The following CTNNA2 variants were observed in gnomAD, a reference collection of about 807,000 sequenced individuals.
CTNNA2 encodes the protein catenin alpha 2, also known as catenin alpha-2.
A neutral mutation model predicts 101.0 loss-of-function variants in CTNNA2; 42 were observed. The ratio of observed to expected loss-of-function variants is 0.42; its 90% CI spans 0.32 to 0.54. The LOEUF (loss-of-function observed/expected upper bound fraction) is 0.54. Ranked by LOEUF, CTNNA2 falls within the 20% of genes least tolerant of loss-of-function variation. The probability of loss-of-function intolerance (pLI) is 0.14; values close to 1 mark genes in which losing one functional copy is unlikely to be tolerated. For synonymous variants in CTNNA2, 450 were observed against 456.4 expected (o/e 0.99, Z 0.18); for missense variants, 871 against 1,223.1 (o/e 0.71, Z 4.29).
chr2:79,941,798 C>A (rs1403443771), intron 7 of CTNNA2, among the ~76,000 whole-genome samples: 3 of 151,836 alleles, frequency 2.0e-5, no homozygotes, highest in Admixed American at 2.0e-4. Context: ...TTTGTATTTG[C>A]AGTAGAGGTG....
chr2:79,713,636 A>T (rs1489722735), intron 2 of CTNNA2, among the ~76,000 whole-genome samples: 1 of 152,096 alleles, frequency 6.6e-6, no homozygotes, highest in African/African-American at 2.4e-5. Context: ...ACTTCCTGTG[A>T]CACAGTGGTC....
intron 7 of CTNNA2, among the ~76,000 whole-genome samples, chr2:80,381,873 A>G (rs1355401080): frequency 6.6e-6 from 1 of 152,164 alleles, no homozygotes; most frequent in East Asian, 1.9e-4. Flanking sequence ...ACTGTTTTCA[A>G]GCTTATCTAC....
At chr2:80,092,947 T>C (rs1699878616) in intron 7 of CTNNA2, among the ~76,000 whole-genome samples, 1 of 152,138 alleles carries the variant, frequency 6.6e-6, no homozygotes. Context: ...AACATGAAGA[T>C]AAGGATAGAG....
At chr2:79,561,049 A>G (rs1036279198) in intron 1 of CTNNA2, among the ~76,000 whole-genome samples, 1 of 151,802 alleles carries the variant, frequency 6.6e-6, no homozygotes, top group Non-Finnish European at 1.5e-5. Flanking sequence ...TATTTTCCTT[A>G]CCCCCAAAAG....
chr2:79,922,034 C>G (rs1326891642), intron 7 of CTNNA2, among the ~76,000 whole-genome samples: 4 of 152,190 alleles, frequency 2.6e-5, no homozygotes, highest in Non-Finnish European at 4.4e-5. Context: ...CAGTCCTGCA[C>G]CAGCCTTGGA....
chr2:80,274,591 C>T (rs310777), intron 7 of CTNNA2, among the ~76,000 whole-genome samples: 61,277 of 152,014 alleles, frequency 0.4, 14,258 homozygotes, highest in Non-Finnish European at 0.53. Flanking sequence ...ACTAATCAAG[C>T]CGTATTATTG....
At chr2:79,926,814 A>G (rs145108475) in intron 7 of CTNNA2, among the ~76,000 whole-genome samples, 158 of 152,066 alleles carry the variant, frequency 1.0e-3, no homozygotes, top group African/African-American at 3.7e-3. Flanking sequence ...AATATGCAAT[A>G]GAATGAGAGA....
rs1558926397 is a variant in CTNNA2, at chr2:80,232,343, T to TTG, written c.1057-160866_1057-160865dup. On this transcript the variant is annotated intron_variant, in intron 7 of 18. Transcript: ENST00000402739. The stretch of plus-strand genomic sequence containing the variant: ...GGGTTTTGTTTGTTTGTTTGTTTGT[T>TTG]TGTTTTTTTTTTTTTTTTTTTTTTT... Among the ~76,000 whole-genome samples, 4 of 44,030 alleles carry TTG rather than the reference T, an allele frequency of 9.1e-5. No individual in the cohort carries two copies. The African/African-American group carries it at 1.1e-3, about 12-fold the overall frequency. 28.9% of individuals were successfully genotyped at this position (44,030 alleles called of 152,430 possible).
intron 3 of CTNNA2, among the ~76,000 whole-genome samples, chr2:79,825,659 T>C (rs951357476): frequency 6.6e-6 from 1 of 151,852 alleles, no homozygotes; most frequent in Admixed American, 6.6e-5. Flanking sequence ...TAATGGGAAA[T>C]ACAAATTTGG....
intron 1 of CTNNA2, among the ~76,000 whole-genome samples, chr2:79,636,482 G>C (rs1680078022): frequency 6.6e-6 from 1 of 151,816 alleles, no homozygotes; most frequent in African/African-American, 2.4e-5. Flanking sequence ...ATAAGATGTT[G>C]AGAGGGTACA....
At chr2:79,588,832 A>G (rs1676662620) in intron 1 of CTNNA2, among the ~76,000 whole-genome samples, 2 of 152,196 alleles carry the variant, frequency 1.3e-5, no homozygotes, top group African/African-American at 4.8e-5. Flanking sequence ...GTAATCTAGG[A>G]TAAGCACCGT....
chr2:80,570,887 C>T (rs1249518448), intron 12 of CTNNA2, among the ~76,000 whole-genome samples: 2 of 152,164 alleles, frequency 1.3e-5, no homozygotes, highest in Non-Finnish European at 2.9e-5. Flanking sequence ...ATAGAATCCT[C>T]TTCTCCAAAC....
chr2:79,712,376 G>C (rs1409274571), intron 2 of CTNNA2, among the ~76,000 whole-genome samples: 1 of 152,176 alleles, frequency 6.6e-6, no homozygotes, highest in Non-Finnish European at 1.5e-5. Flanking sequence ...CAGTTGGGCT[G>C]AGGCTTATGT....
At chr2:79,537,173 T>G (rs1673125148) in intron 1 of CTNNA2, among the ~76,000 whole-genome samples, 1 of 152,198 alleles carries the variant, frequency 6.6e-6, no homozygotes, top group Non-Finnish European at 1.5e-5. Flanking sequence ...AAAAAATGAC[T>G]GCTTAACTGA....
chr2:80,616,771 C>T lies in CTNNA2; in HGVS notation c.2431-2314C>T, dbSNP rs148128639. The stretch of plus-strand genomic sequence containing the variant: ...TCCTGAGATTTGGAAATTATCTGAT[C>T]CTGGCATTGCATCCTGTATCAAAGG... On this transcript the variant is annotated intron_variant, in intron 17 of 18. Coordinates refer to ENST00000402739, the MANE Select transcript of CTNNA2 (RefSeq NM_001282597.3). 9.7e-3 allele frequency among the ~76,000 whole-genome samples: 1,478 copies of T among 151,702 alleles called. 32 individuals are homozygous for T. Among genetic ancestry groups the T allele is most frequent in the African/African-American group, 0.032 (1,337 of 41,438 alleles).
chr2:80,092,223 G>A (rs1558799208), intron 7 of CTNNA2, among the ~76,000 whole-genome samples: 1 of 152,094 alleles, frequency 6.6e-6, no homozygotes, highest in East Asian at 1.9e-4. Context: ...AGGCAGTTCA[G>A]CCGTTGTAAC....
intron 11 of CTNNA2, among the ~76,000 whole-genome samples, chr2:80,549,751 T>C (rs909044493): frequency 1.3e-5 from 2 of 152,198 alleles, no homozygotes; most frequent in African/African-American, 4.8e-5. Flanking sequence ...AAGTGTGTAA[T>C]TGATCGCCCC....
At chr2:79,892,740 A>C (rs531513113) in intron 6 of CTNNA2, among the ~76,000 whole-genome samples, 22 of 152,188 alleles carry the variant, frequency 1.4e-4, no homozygotes, top group Non-Finnish European at 1.3e-4. Context: ...TAGGCCCATA[A>C]AACTTCAAAA....
At chr2:80,018,434 ACTGGCCATGG>A (rs1694301975) in intron 7 of CTNNA2, among the ~76,000 whole-genome samples, 2 of 152,154 alleles carry the variant, frequency 1.3e-5, no homozygotes, top group African/African-American at 4.8e-5. Context: ...GTGACTTGAA[ACTGGCCATGG>A]CGGGAGTATT....
Sources: gnomAD v4.1 joint callset for allele counts (sites outside exome capture counted in the v4.1 genomes callset) on GRCh38, gnomAD v4.1.1 for gene constraint, MANE v1.5 for transcripts, NCBI Gene and HGNC (gene_info 2026-07-23, HGNC 2026-07-21) for gene names.